RANBP2: variants seen among roughly 807,000 people sequenced by gnomAD.
RANBP2 encodes the protein RAN binding protein 2.
A neutral mutation model predicts 303.6 loss-of-function variants in RANBP2; 57 were observed. The ratio of observed to expected loss-of-function variants is 0.19; its 90% CI spans 0.15 to 0.23. The LOEUF is 0.23. Among genes scored for constraint, RANBP2 ranks in the 10% least tolerant of loss-of-function variants. RANBP2 has a pLI of 1.00. For synonymous variants in RANBP2, 1,167 were observed against 1,301.5 expected (o/e 0.90, Z 2.23); for missense variants, 3,138 against 3,780.8 (o/e 0.83, Z 4.46).
chr2:109,180,623 A>T, the RANBP2 span, among the ~76,000 whole-genome samples: 1 of 152,158 alleles, frequency 6.6e-6, no homozygotes, highest in Non-Finnish European at 1.5e-5. Flanking sequence ...ACGAGATCTG[A>T]TGATTTTATA....
the RANBP2 span, among the ~76,000 whole-genome samples, chr2:109,486,733 G>T: frequency 6.6e-6 from 1 of 151,736 alleles, no homozygotes; most frequent in African/African-American, 2.4e-5. Context: ...AGAGGAAGGG[G>T]AGGGGGAAGC....
chr2:109,129,320 C>A, the RANBP2 span: 2 of 743,700 alleles, frequency 2.7e-6, no homozygotes, highest in Non-Finnish European at 4.4e-6. Context: ...ACTGGGCGGG[C>A]TCGGCTGGCC....
chr2:109,747,638 C>T, the RANBP2 span, among the ~76,000 whole-genome samples: 43 of 151,050 alleles, frequency 2.8e-4, no homozygotes, highest in Non-Finnish European at 5.3e-4. Context: ...ATTCCAGTTA[C>T]TCCGGAGGCT....
chr2:109,522,099 G>A, the RANBP2 span, among the ~76,000 whole-genome samples: 1 of 152,070 alleles, frequency 6.6e-6, no homozygotes, highest in Non-Finnish European at 1.5e-5. Flanking sequence ...AAAAAAACCT[G>A]CTGAATGAAC....
chr2:109,424,003 C>T, the RANBP2 span, among the ~76,000 whole-genome samples: 10 of 152,204 alleles, frequency 6.6e-5, no homozygotes, highest in South Asian at 2.1e-4. Flanking sequence ...ACGTCTGGGC[C>T]GCTGCAGGGC....
chr2:109,312,000 G>T, the RANBP2 span, among the ~76,000 whole-genome samples: 1 of 151,092 alleles, frequency 6.6e-6, no homozygotes, highest in African/African-American at 2.5e-5. Flanking sequence ...GCTGCTGCTG[G>T]TGCTGTCCAG....
At chr2:109,326,403 A>C in the RANBP2 span, among the ~76,000 whole-genome samples, 1 of 152,106 alleles carries the variant, frequency 6.6e-6, no homozygotes, top group East Asian at 1.9e-4. Context: ...TACCCTGGAG[A>C]ATACTATGTT....
At chr2:109,510,937 G>A in the RANBP2 span, among the ~76,000 whole-genome samples, 464 of 152,274 alleles carry the variant, frequency 3.0e-3, 2 homozygotes, top group African/African-American at 0.011. Flanking sequence ...TGGCAAGTGC[G>A]TGTTAAGCAT....
At chr2:108,917,946 C>A in the RANBP2 span, among the ~76,000 whole-genome samples, 2 of 151,980 alleles carry the variant, frequency 1.3e-5, no homozygotes, top group Non-Finnish European at 2.9e-5. Flanking sequence ...CCATGGAAAA[C>A]AAGCACCTAC....
chr2:109,401,435 C>T, the RANBP2 span, among the ~76,000 whole-genome samples: 1 of 152,218 alleles, frequency 6.6e-6, no homozygotes, highest in African/African-American at 2.4e-5. Context: ...AGTCAGGGAC[C>T]CCCATCAACC....
At chr2:108,944,622 T>C in the RANBP2 span, among the ~76,000 whole-genome samples, 2 of 151,322 alleles carry the variant, frequency 1.3e-5, no homozygotes, top group East Asian at 4.0e-4. Context: ...GAAGCCCTGC[T>C]GGGCTAAGTG....
chr2:109,114,758 T>C, the RANBP2 span, among the ~76,000 whole-genome samples: 1 of 152,070 alleles, frequency 6.6e-6, no homozygotes, highest in Non-Finnish European at 1.5e-5. Context: ...CTGCTTTCTC[T>C]TGTGGGCATT....
At chr2:108,806,960 A>G in the RANBP2 span, among the ~76,000 whole-genome samples, 2 of 152,334 alleles carry the variant, frequency 1.3e-5, no homozygotes, top group East Asian at 3.9e-4. Flanking sequence ...AATTAGAGGG[A>G]GACAGAACTT....
the RANBP2 span, among the ~76,000 whole-genome samples, chr2:109,524,589 T>C: frequency 6.6e-6 from 1 of 151,708 alleles, no homozygotes; most frequent in Admixed American, 6.6e-5. Context: ...AAACCCTGTC[T>C]CTACTAAAAA....
At chr2:109,367,104 C>G in the RANBP2 span, among the ~76,000 whole-genome samples, 1 of 149,660 alleles carries the variant, frequency 6.7e-6, no homozygotes, top group Non-Finnish European at 1.5e-5. Context: ...AGGCATATGC[C>G]ACTGTGCCCT....
At chr2:109,306,491 G>C in the RANBP2 span, among the ~76,000 whole-genome samples, 4 of 152,216 alleles carry the variant, frequency 2.6e-5, no homozygotes, top group African/African-American at 9.6e-5. Flanking sequence ...AGGTGCCATG[G>C]AGGGGCAGGG....
At chr2:109,264,989 G>A in the RANBP2 span, among the ~76,000 whole-genome samples, 4 of 152,306 alleles carry the variant, frequency 2.6e-5, no homozygotes, top group African/African-American at 9.6e-5. Context: ...AGAGATAGCC[G>A]CATGCTCTGT....
intron 20 of RANBP2, among the ~76,000 whole-genome samples, chr2:108,769,633 G>A (rs35014255): frequency 1.2e-4 from 18 of 151,920 alleles, no homozygotes; most frequent in Non-Finnish European, 2.2e-4. Context: ...AGCCACTAAC[G>A]TCTGCCAGTA....
the RANBP2 span, among the ~76,000 whole-genome samples, chr2:109,145,596 G>C: frequency 6.6e-6 from 1 of 152,154 alleles, no homozygotes; most frequent in African/African-American, 2.4e-5. Flanking sequence ...ACGCATGGTC[G>C]AGCGACCTTT....
Sources: allele counts gnomAD v4.1 joint callset (sites outside exome capture counted in the v4.1 genomes callset), GRCh38; gene constraint gnomAD v4.1.1; transcripts MANE v1.5; gene names NCBI Gene and HGNC (gene_info 2026-07-23, HGNC 2026-07-21).